Variants in DGCR2 observed in about 807,000 individuals in gnomAD.
The protein encoded by DGCR2 is integral membrane protein DGCR2/IDD.
A neutral mutation model predicts 51.6 loss-of-function variants in DGCR2; 24 were observed. That is an observed-to-expected ratio of 0.47 (90% CI 0.34 to 0.65). The LOEUF (loss-of-function observed/expected upper bound fraction) is 0.65. Among genes scored for constraint, DGCR2 ranks in the 30% least tolerant of loss-of-function variants. The probability of loss-of-function intolerance (pLI) is 0.01; values close to 1 mark genes in which losing one functional copy is unlikely to be tolerated. For synonymous variants in DGCR2, 340 were observed against 315.4 expected, an observed-to-expected ratio of 1.08 and a Z score of -0.82; for missense variants, 765 against 772.1, an observed-to-expected ratio of 0.99 and a Z score of 0.11.
chr22:19,063,171 T>G (rs770312198), intron 5 of DGCR2, 31 bp downstream of exon 5: 2 of 1,609,286 alleles, frequency 1.2e-6, no homozygotes, highest in Non-Finnish European at 1.7e-6. Flanking sequence ...CTGCCCAGCT[T>G]CAAACACTCC....
At chr22:19,063,089 C>A (rs1601533905) in intron 5 of DGCR2, 113 bp downstream of exon 5, 9 of 981,396 alleles carry the variant, frequency 9.2e-6, no homozygotes, top group African/African-American at 2.0e-5. Context: ...CACCCACTCC[C>A]TGCACAGCAC....
At chr22:19,080,805 C>A (rs1012205877) in intron 2 of DGCR2, among the ~76,000 whole-genome samples, 54 of 152,120 alleles carry the variant, frequency 3.5e-4, no homozygotes, top group African/African-American at 1.2e-3. Flanking sequence ...CACTGTACTC[C>A]AATGGGCAAC....
At chr22:19,112,222 G>GAGGTCGCACCACTGCACTCCAGCCT (rs531316628) in intron 1 of DGCR2, among the ~76,000 whole-genome samples, 1,760 of 149,996 alleles carry the variant, frequency 0.012, 11 homozygotes, top group South Asian at 0.02. Flanking sequence ...ACAGTGAGCC[G>GAGGTCGCACCACTGCACTCCAGCCT]AGGTCGCACC....
intron 1 of DGCR2, among the ~76,000 whole-genome samples, chr22:19,117,368 G>A (rs2083384466): frequency 6.6e-6 from 1 of 152,252 alleles, no homozygotes. Flanking sequence ...CTGACATGCA[G>A]TGATGCCAGC....
At chr22:19,078,854 A>G (rs77279410) in intron 2 of DGCR2, among the ~76,000 whole-genome samples, 2,490 of 152,296 alleles carry the variant, frequency 0.016, 88 homozygotes, top group East Asian at 0.061. Context: ...CTTTGGTATC[A>G]GGGCATGTTA....
intron 1 of DGCR2, 116 bp downstream of exon 1, chr22:19,122,012 G>C: frequency 1.4e-4 from 66 of 462,714 alleles, no homozygotes; most frequent in South Asian, 2.0e-4. Context: ...GGCCCCGCCC[G>C]CCCCTGCCCC....
Position 19,057,134 on chromosome 22 carries a change from G to T in DGCR2, c.654C>A (p.Asp218Glu). 6.2e-7 allele frequency: 1 copy of T among 1,608,232 alleles called. No individual in the cohort carries two copies. The highest frequency in any genetic ancestry group is 8.5e-7 in the Non-Finnish European group (1 of 1,177,464). Residue 218 changes from aspartate to glutamate, a missense_variant, in exon 6 of 10, where the codon GAC becomes GAA. Physicochemically the swap from Asp to Glu is conservative, Grantham distance 45. Transcript: ENST00000263196. This position sits in a 1 kb window ranked among gnomAD's most constrained non-coding sequence, Gnocchi z 5.1. ...KGSSEVFLPP[D>E]PIFASAMSEN... ...CAGACATGGCCGAGGCAAAGATGGG[G>T]TCTGGGGGCAGGAACACCTCTGAAG...
intron 6 of DGCR2, among the ~76,000 whole-genome samples, chr22:19,055,232 T>C (rs182945873): frequency 2.6e-5 from 4 of 152,236 alleles, no homozygotes; most frequent in Admixed American, 2.6e-4. Flanking sequence ...TCCATTTATA[T>C]GAAATAATGA....
At position 19,057,041 on chromosome 22, in the gene DGCR2, G is replaced by A. The variant is rs1356590773; in HGVS notation, c.747C>T (p.Leu249=). ...FHFPTLRHHD[L]HSWHAESCYE... Reference sequence around the variant, plus strand: ...AGCAGCTCTCGGCGTGCCAGCTGTGGAGGTCGTGGTGCCGCAGGGTGGGGA... The same window carrying A: ...AGCAGCTCTCGGCGTGCCAGCTGTGAAGGTCGTGGTGCCGCAGGGTGGGGA... The change falls in exon 6 of 10, where the codon CTC becomes CTT. Residue 249 remains leucine (L), a synonymous_variant. Transcript: ENST00000263196. The surrounding 1 kb of genome is among the most constrained non-coding windows in gnomAD (Gnocchi z 5.1). 8 of 1,597,734 alleles carry A rather than the reference G, an allele frequency of 5.0e-6. No individual in the cohort carries two copies. The highest frequency in any genetic ancestry group is 1.1e-5 in the South Asian group (1 of 88,164).
intron 5 of DGCR2, among the ~76,000 whole-genome samples, chr22:19,062,789 T>TCCTCTCTCTCTCTCTCTCTCTCTCTC (rs1457717617): frequency 6.9e-6 from 1 of 145,758 alleles, no homozygotes; most frequent in Non-Finnish European, 1.6e-5. Context: ...ACTCTCTCTC[T>TCCTCTCTCTCTCTCTCTCTCTCTCTC]CTCTCTCTCT....
In DGCR2 at chr22:19,041,910, G is replaced by A; in HGVS notation, c.1056C>T (p.Val352=). 2.5e-6 allele frequency: 4 copies of A among 1,613,668 alleles called. No homozygotes were observed. Among genetic ancestry groups the A allele is most frequent in the Non-Finnish European group, 3.4e-6 (4 of 1,179,954 alleles). Residue 352 remains valine, a synonymous_variant, in exon 8 of 10, where the codon GTC becomes GTT. Transcript: ENST00000263196. ...GGATGAGGAAGGAGGAGATGCAGCTGACGACCAGGCGCATCCCGCTGGCCA... is the reference window on the plus strand; with the variant it reads ...GGATGAGGAAGGAGGAGATGCAGCTAACGACCAGGCGCATCCCGCTGGCCA... ...DSMASGMRLV[V]SCISSFLILS... is the part of the protein sequence containing the mutation.
At chr22:19,044,840 T>G (rs1393745325) in intron 7 of DGCR2, among the ~76,000 whole-genome samples, 1 of 152,236 alleles carries the variant, frequency 6.6e-6, no homozygotes, top group Non-Finnish European at 1.5e-5. Context: ...TGTTTTGTTT[T>G]CTTATTATTG....
chr22:19,118,087 G>A (rs1271419043), intron 1 of DGCR2, among the ~76,000 whole-genome samples: 1 of 152,190 alleles, frequency 6.6e-6, no homozygotes, highest in African/African-American at 2.4e-5. Flanking sequence ...CTGGACTCCA[G>A]CCGGGGAGAG....
At chr22:19,041,548 C>T (rs552346381) in intron 8 of DGCR2, 6 of 595,608 alleles carry the variant, frequency 1.0e-5, no homozygotes, top group African/African-American at 1.9e-5. Context: ...TGGCTGACCA[C>T]ACCCCTCCAG....
At chr22:19,065,279 G>A in intron 3 of DGCR2, 1 of 574,510 alleles carries the variant, frequency 1.7e-6, no homozygotes, top group South Asian at 2.1e-5. Context: ...AGTACATTCG[G>A]TGACTCTTCC....
intron 6 of DGCR2, among the ~76,000 whole-genome samples, chr22:19,052,820 G>A (rs2082563530): frequency 1.3e-5 from 2 of 152,048 alleles, no homozygotes; most frequent in Non-Finnish European, 2.9e-5. Flanking sequence ...GTAACAATTT[G>A]GATGACTCTC....
chr22:19,096,013 C>A (rs2083136140), intron 1 of DGCR2, among the ~76,000 whole-genome samples: 1 of 152,192 alleles, frequency 6.6e-6, no homozygotes, highest in African/African-American at 2.4e-5. Context: ...ATGACTGGTA[C>A]TGAAGCACTA....
chr22:19,085,537 G>A (rs1286041586), intron 2 of DGCR2, among the ~76,000 whole-genome samples: 1 of 152,176 alleles, frequency 6.6e-6, no homozygotes, highest in African/African-American at 2.4e-5. Context: ...ACACACAGAA[G>A]CCTGCTGCCA....
chr22:19,052,079 C>T (rs966405184), intron 6 of DGCR2, among the ~76,000 whole-genome samples: 5 of 152,188 alleles, frequency 3.3e-5, no homozygotes, highest in African/African-American at 1.2e-4. Flanking sequence ...AACTACGATA[C>T]AATCAAGCAA....
Sources: gnomAD v4.1 joint callset for allele counts (sites outside exome capture counted in the v4.1 genomes callset) on GRCh38, gnomAD v4.1.1 for gene constraint, Gnocchi (gnomAD v3.1) non-coding constraint, MANE v1.5 for transcripts, NCBI Gene and HGNC (gene_info 2026-07-23, HGNC 2026-07-21) for gene names.